Variants in GPHN observed in about 807,000 individuals in gnomAD.
The protein encoded by GPHN is gephyrin.
A neutral mutation model predicts 95.5 loss-of-function variants in GPHN; 17 were observed. The observed-to-expected ratio is 0.18, with a 90% CI of 0.12 to 0.27. GPHN has a LOEUF of 0.27. Among genes scored for constraint, GPHN ranks in the 10% least tolerant of loss-of-function variants. The probability of loss-of-function intolerance (pLI) is 1.00; values close to 1 mark genes in which losing one functional copy is unlikely to be tolerated. For missense variants in GPHN, 660 were observed against 978.1 expected (o/e 0.67, Z 4.34); for synonymous variants, 320 against 322.5 (o/e 0.99, Z 0.08).
the GPHN span, among the ~76,000 whole-genome samples, chr14:67,209,032 G>A: frequency 1.3e-5 from 2 of 152,066 alleles, no homozygotes; most frequent in African/African-American, 4.8e-5. Flanking sequence ...AAACTAAAAT[G>A]AGCCAGAAGA....
chr14:67,515,437 G>GCAC, the GPHN span: 2 of 184,756 alleles, frequency 1.1e-5, no homozygotes, highest in Admixed American at 6.3e-5. Context: ...GGCGGCGGCG[G>GCAC]CACTCACCCA....
At chr14:67,012,768 T>G (rs1370331785) in intron 9 of GPHN, among the ~76,000 whole-genome samples, 4 of 152,152 alleles carry the variant, frequency 2.6e-5, no homozygotes, top group African/African-American at 7.2e-5. Context: ...TTGCACACCT[T>G]TAGCTGTTTC....
the GPHN span, among the ~76,000 whole-genome samples, chr14:67,192,799 TATATAG>T: frequency 2.7e-5 from 4 of 147,868 alleles, no homozygotes; most frequent in Non-Finnish European, 5.9e-5. Flanking sequence ...TGTGTGTGTA[TATATAG>T]ATATAGATAT....
the GPHN span, among the ~76,000 whole-genome samples, chr14:67,391,936 A>T: frequency 6.6e-6 from 1 of 152,344 alleles, no homozygotes; most frequent in East Asian, 1.9e-4. Context: ...GCAGAATCTC[A>T]CAAGGGAAGG....
At chr14:67,659,653 T>C in the GPHN span, 2 of 1,408,574 alleles carry the variant, frequency 1.4e-6, no homozygotes, top group East Asian at 2.3e-5. Context: ...TAACATGAAA[T>C]ACCCCAACAA....
the GPHN span, among the ~76,000 whole-genome samples, chr14:67,492,109 CTA>C: frequency 6.6e-6 from 1 of 152,170 alleles, no homozygotes; most frequent in East Asian, 1.9e-4. Context: ...CTAGCCCACT[CTA>C]TCTCACATGC....
At chr14:66,696,155 A>G (rs1166356631) in intron 2 of GPHN, among the ~76,000 whole-genome samples, 1 of 152,200 alleles carries the variant, frequency 6.6e-6, no homozygotes, top group Non-Finnish European at 1.5e-5. Context: ...CTTCCTAAAG[A>G]TGCTATGAAT....
chr14:67,500,565 G>A, the GPHN span, among the ~76,000 whole-genome samples: 1 of 149,040 alleles, frequency 6.7e-6, no homozygotes, highest in African/African-American at 2.5e-5. Context: ...TTTTCCATGT[G>A]CATTTGGATT....
chr14:67,597,760 T>TAAAAAA, the GPHN span, among the ~76,000 whole-genome samples: 23 of 58,258 alleles, frequency 3.9e-4, no homozygotes, highest in Non-Finnish European at 5.9e-4. Flanking sequence ...AAGAAAAGTT[T>TAAAAAA]AAAAAAAAAA....
chr14:67,361,443 A>T, the GPHN span, among the ~76,000 whole-genome samples: 1 of 152,206 alleles, frequency 6.6e-6, no homozygotes, highest in South Asian at 2.1e-4. Flanking sequence ...AACTATAATG[A>T]TGAAATAAAA....
In GPHN at chr14:67,159,312, GTTTCT is replaced by G. The variant is rs111323495; in HGVS notation, c.1837-98_1837-94del. 687 of 793,038 alleles carry G rather than the reference GTTTCT, an allele frequency of 8.7e-4. 4 individuals carry two copies. In the African/African-American group the frequency reaches 0.01, roughly 12 times the overall value. 49.1% of individuals were successfully genotyped at this position (793,038 alleles called of 1,614,324 possible). The stretch of plus-strand genomic sequence containing the variant: ...TCAACTCCATTAAAATAAGAAAGAT[GTTTCT>G]TTTCATTTCAATCTTATTAATTTAA... On this transcript the variant is annotated intron_variant, in intron 18 of 22. Transcript: ENST00000478722.
chr14:66,994,537 A>T (rs1226663025), intron 9 of GPHN, among the ~76,000 whole-genome samples: 2 of 152,160 alleles, frequency 1.3e-5, no homozygotes, highest in Non-Finnish European at 2.9e-5. Context: ...CTCGGAACTG[A>T]CTTTAATTCA....
At chr14:66,904,726 C>A (rs1294566729) in intron 5 of GPHN, among the ~76,000 whole-genome samples, 1 of 152,100 alleles carries the variant, frequency 6.6e-6, no homozygotes, top group Non-Finnish European at 1.5e-5. Flanking sequence ...GTGGTAGTGT[C>A]CTCCAGAGGG....
the GPHN span, chr14:67,343,237 T>G: frequency 3.4e-6 from 2 of 581,662 alleles, no homozygotes; most frequent in East Asian, 5.8e-5. Context: ...GACACACTTC[T>G]CTCTTTGCAC....
chr14:67,199,012 A>AAGCTC, the GPHN span: 2 of 709,566 alleles, frequency 2.8e-6, no homozygotes, highest in Middle Eastern at 4.6e-4. Flanking sequence ...ACAAGGGAGG[A>AAGCTC]CAACAGACAC....
In GPHN at chr14:67,064,136, G is replaced by C. The variant is rs2075940146; in HGVS notation, c.1144+5350G>C. Among the ~76,000 whole-genome samples the C allele has an allele frequency of 2.0e-5, 3 of 152,212 alleles. No individual in the cohort carries two copies. The South Asian group carries it at 6.2e-4, about 32-fold the overall frequency. ...ATACCTAGTTTATTGAGAGTTTTTA[G>C]CATGAAGGGCTGTTGAGTTTTGTCG... On this transcript the variant is annotated intron_variant, in intron 11 of 22. Coordinates refer to ENST00000478722, the MANE Select transcript of GPHN (RefSeq NM_020806.5).
At chr14:67,053,369 A>G (rs1434124364) in intron 10 of GPHN, among the ~76,000 whole-genome samples, 2 of 152,152 alleles carry the variant, frequency 1.3e-5, no homozygotes, top group African/African-American at 4.8e-5. Flanking sequence ...TCTAGAAGAA[A>G]TGGATAAATT....
the GPHN span, chr14:67,685,214 G>A: frequency 3.1e-6 from 5 of 1,606,346 alleles, no homozygotes; most frequent in Admixed American, 5.1e-5. Context: ...CCTGGTTGGG[G>A]GTGGCATGAA....
intron 5 of GPHN, among the ~76,000 whole-genome samples, chr14:66,911,557 A>G (rs532495970): frequency 1.3e-5 from 2 of 152,126 alleles, no homozygotes; most frequent in East Asian, 3.9e-4. Flanking sequence ...TATCAGTGAT[A>G]GTCTATTGCT....
Sources: allele counts gnomAD v4.1 joint callset (sites outside exome capture counted in the v4.1 genomes callset), GRCh38; gene constraint gnomAD v4.1.1; transcripts MANE v1.5; gene names NCBI Gene and HGNC (gene_info 2026-07-23, HGNC 2026-07-21).